HSD17B12: variants seen among roughly 807,000 people sequenced by gnomAD.
The protein encoded by HSD17B12 is hydroxysteroid 17-beta dehydrogenase 12, also known as very-long-chain 3-oxoacyl-CoA reductase.
In HSD17B12, 32 loss-of-function variants were observed where a neutral mutation model predicts 39.3. The ratio of observed to expected loss-of-function variants is 0.81; its 90% CI spans 0.61 to 1.09. The LOEUF (loss-of-function observed/expected upper bound fraction) is 1.09. Ranked by LOEUF, HSD17B12 falls within the 50% of genes least tolerant of loss-of-function variation. The pLI is 0.00. For synonymous variants in HSD17B12, 150 were observed against 146.7 expected, an observed-to-expected ratio of 1.02 and a Z score of -0.16; for missense variants, 342 against 382.9, an observed-to-expected ratio of 0.89 and a Z score of 0.89.
chr11:43,838,438 AG>A (rs1565108007), intron 8 of HSD17B12, 40 bp downstream of exon 8: 1 of 1,409,682 alleles, frequency 7.1e-7, no homozygotes. Context: ...TATAGTAATA[AG>A]GGGTAATTTT....
At chr11:43,799,517 T>A (rs1164691011) in intron 4 of HSD17B12, among the ~76,000 whole-genome samples, 3 of 152,048 alleles carry the variant, frequency 2.0e-5, no homozygotes, top group Non-Finnish European at 4.4e-5. Flanking sequence ...GGAAAAAAAA[T>A]GGGCTTTGTT....
chr11:43,777,376 T>G (rs1382412636), intron 3 of HSD17B12, among the ~76,000 whole-genome samples: 1 of 152,220 alleles, frequency 6.6e-6, no homozygotes, highest in Admixed American at 6.5e-5. Context: ...CAATTGTGAA[T>G]GGGAGTTCAC....
chr11:43,624,834 A>G, the HSD17B12 span, among the ~76,000 whole-genome samples: 1 of 151,862 alleles, frequency 6.6e-6, no homozygotes, highest in South Asian at 2.1e-4. Context: ...AATTAAAATA[A>G]AATTTGAAAT....
rs1352767062 is a variant in HSD17B12 at position 43,754,059 on chromosome 11, G to C, written c.221G>C (p.Gly74Ala). ...TTACTGTTTCAGTTAGCAAAGCATGGAATGAAGGTTGTCCTTATCAGCAGA... is the reference window on the plus strand; with the variant it reads ...TTACTGTTTCAGTTAGCAAAGCATGCAATGAAGGTTGTCCTTATCAGCAGA... ...KSYAEELAKHGMKVVLISRSK... is the reference protein window; with the variant it reads ...KSYAEELAKHAMKVVLISRSK... Residue 74 changes from glycine (G) to alanine (A), a missense_variant, in exon 3 of 11, where the codon GGA (glycine) becomes GCA (alanine). By Grantham distance (60) the Gly-to-Ala change is moderately conservative. Transcript: ENST00000278353. 6.2e-7 allele frequency: 1 copy of C among 1,611,582 alleles called. No homozygotes were observed. Among genetic ancestry groups the C allele is most frequent in the Non-Finnish European group, 8.5e-7 (1 of 1,178,298 alleles).
At chr11:43,761,929 C>G (rs1383892207) in intron 3 of HSD17B12, among the ~76,000 whole-genome samples, 1 of 152,160 alleles carries the variant, frequency 6.6e-6, no homozygotes, top group East Asian at 1.9e-4. Context: ...GGAATAGACT[C>G]TACCATTTGA....
intron 1 of HSD17B12, among the ~76,000 whole-genome samples, chr11:43,702,030 A>G (rs1399394207): frequency 6.6e-6 from 1 of 152,046 alleles, no homozygotes; most frequent in Non-Finnish European, 1.5e-5. Flanking sequence ...AGTTTTTATT[A>G]TAGAGATCTT....
At position 43,856,409 on chromosome 11, in the gene HSD17B12, G is replaced by T. The variant is rs919779315; in HGVS notation, c.*1161G>T. The T allele has an allele frequency of 1.3e-5, 2 of 150,094 alleles. No homozygotes were observed. Among genetic ancestry groups the T allele is most frequent in the African/African-American group, 4.9e-5 (2 of 40,944 alleles). The allele number at this position is 150,094 out of a possible 1,614,324, so 9.3% of individuals were successfully genotyped here. A position where few individuals can be genotyped will look rare whatever the true frequency, so the allele number is the denominator to read the frequency against. On this transcript the variant is annotated 3_prime_UTR_variant, in exon 11 of 11. Transcript: ENST00000278353. ...CAGCACCAGTAGATTTGTATTAAAAGAAAAAAAAATGGGGCCTTAGCTTCT... is the reference window on the plus strand; with the variant it reads ...CAGCACCAGTAGATTTGTATTAAAATAAAAAAAAATGGGGCCTTAGCTTCT...
At chr11:43,582,220 AGGAGCTTT>A in the HSD17B12 span, among the ~76,000 whole-genome samples, 3 of 152,212 alleles carry the variant, frequency 2.0e-5, no homozygotes, top group Non-Finnish European at 4.4e-5. Flanking sequence ...CCCGCAGAGA[AGGAGCTTT>A]GGAGAGATGC....
chr11:43,600,080 A>C, the HSD17B12 span, among the ~76,000 whole-genome samples: 1 of 149,428 alleles, frequency 6.7e-6, no homozygotes, highest in African/African-American at 2.5e-5. Flanking sequence ...TCCCACCTCC[A>C]TTTCCCTCAT....
At chr11:43,798,292 T>C in intron 3 of HSD17B12, 28 bp from the exon 4 acceptor site, 1 of 1,364,358 alleles carries the variant, frequency 7.3e-7, no homozygotes, top group Non-Finnish European at 1.0e-6. Context: ...TCCCTGTCTC[T>C]CCCCGTTTGT....
chr11:43,591,842 A>G, the HSD17B12 span, among the ~76,000 whole-genome samples: 1 of 152,098 alleles, frequency 6.6e-6, no homozygotes, highest in Non-Finnish European at 1.5e-5. Flanking sequence ...TTATGACTAT[A>G]AAACATTAAC....
chr11:43,630,793 AT>A, the HSD17B12 span, among the ~76,000 whole-genome samples: 1 of 149,352 alleles, frequency 6.7e-6, no homozygotes, highest in Non-Finnish European at 1.5e-5. Flanking sequence ...TAGCTTAATA[AT>A]TTTTTTCTTT....
intron 1 of HSD17B12, among the ~76,000 whole-genome samples, chr11:43,734,943 A>G (rs973039463): frequency 1.3e-5 from 2 of 152,168 alleles, no homozygotes; most frequent in African/African-American, 4.8e-5. Flanking sequence ...CCTCCCATCC[A>G]CAGTCCCTGG....
chr11:43,700,295 A>ATG (rs1352335064), intron 1 of HSD17B12, among the ~76,000 whole-genome samples: 2 of 152,142 alleles, frequency 1.3e-5, no homozygotes, highest in Non-Finnish European at 2.9e-5. Context: ...CAGGCATGCA[A>ATG]TGAGAAATAA....
chr11:43,562,143 A>G, the HSD17B12 span, among the ~76,000 whole-genome samples: 3 of 152,236 alleles, frequency 2.0e-5, no homozygotes, highest in East Asian at 5.8e-4. Flanking sequence ...GAGTTGGCTC[A>G]TTTTAAAGCA....
chr11:43,783,888 T>C (rs1950790999), intron 3 of HSD17B12, among the ~76,000 whole-genome samples: 1 of 152,200 alleles, frequency 6.6e-6, no homozygotes, highest in Non-Finnish European at 1.5e-5. Context: ...ATGTTAACAC[T>C]ACACATTTTG....
In HSD17B12 at chr11:43,745,289, A is replaced by T. The variant is rs140694855; in HGVS notation, c.161-5622A>T. 2.2e-3 allele frequency among the ~76,000 whole-genome samples: 334 copies of T among 152,342 alleles called. 1 individual carries two copies. The highest frequency in any genetic ancestry group is 7.7e-3 in the African/African-American group (319 of 41,576). On this transcript the variant is annotated intron_variant, in intron 1 of 10. Transcript: ENST00000278353. ...ACATGGATACGCACATGCAACAGTT[A>T]TCTGTATTCTTTTGAAAGAGATTCC...
At chr11:43,836,556 A>G (rs1951372681) in intron 7 of HSD17B12, among the ~76,000 whole-genome samples, 1 of 152,146 alleles carries the variant, frequency 6.6e-6, no homozygotes, top group Admixed American at 6.6e-5. Context: ...TCTACCCATT[A>G]AAGTATACAC....
upstream of HSD17B12, among the ~76,000 whole-genome samples, chr11:43,676,086 T>C (rs1949691749): frequency 1.3e-5 from 2 of 151,936 alleles, no homozygotes; most frequent in African/African-American, 4.8e-5. Flanking sequence ...CACTCCAGAC[T>C]GGGCGGTAAG....
Sources: allele counts gnomAD v4.1 joint callset (sites outside exome capture counted in the v4.1 genomes callset), GRCh38; gene constraint gnomAD v4.1.1; transcripts MANE v1.5; gene names NCBI Gene and HGNC (gene_info 2026-07-23, HGNC 2026-07-21).